The following METTL22 variants were observed in gnomAD, a reference collection of about 807,000 sequenced individuals.
METTL22 encodes the protein methyltransferase 22, Kin17 lysine.
METTL22 carries 51 observed loss-of-function variants against 48.4 expected under a neutral mutation model. That is an observed-to-expected ratio of 1.05 (90% CI 0.84 to 1.33). The LOEUF (loss-of-function observed/expected upper bound fraction) is 1.33, where lower values mean the gene tolerates loss of function less well. METTL22 is among the 40% of genes most tolerant of loss of function. METTL22 has a pLI of 0.00. For synonymous variants in METTL22, 255 were observed against 214.1 expected, an observed-to-expected ratio of 1.19 and a Z score of -1.67; for missense variants, 678 against 526.9, an observed-to-expected ratio of 1.29 and a Z score of -2.81.
At chr16:8,643,891 G>C (rs2056700873) in intron 9 of METTL22, among the ~76,000 whole-genome samples, 2 of 152,194 alleles carry the variant, frequency 1.3e-5, no homozygotes, top group Admixed American at 1.3e-4. Context: ...TGAGATTACA[G>C]GTGGGAGCCA....
the METTL22 span, among the ~76,000 whole-genome samples, chr16:8,655,526 C>G: frequency 6.6e-6 from 1 of 152,232 alleles, no homozygotes; most frequent in African/African-American, 2.4e-5. Context: ...GACACTCCGT[C>G]ACTTTTGTCA....
At chr16:8,642,341 A>G (rs1045047760) in intron 8 of METTL22, 122 bp from the exon 9 acceptor site, 1 of 1,268,716 alleles carries the variant, frequency 7.9e-7, no homozygotes, top group East Asian at 2.3e-5. Context: ...TGCAGTTTTA[A>G]TTCTGGAAGC....
At chr16:8,656,341 C>T in the METTL22 span, among the ~76,000 whole-genome samples, 3 of 152,196 alleles carry the variant, frequency 2.0e-5, no homozygotes, top group African/African-American at 7.2e-5. Flanking sequence ...TTCCTCCACC[C>T]CCACTTCCTA....
chr16:8,655,595 A>T, the METTL22 span, among the ~76,000 whole-genome samples: 1 of 152,270 alleles, frequency 6.6e-6, no homozygotes, highest in African/African-American at 2.4e-5. Context: ...GGAGGGGATT[A>T]CACAGAGTGG....
intron 2 of METTL22, among the ~76,000 whole-genome samples, chr16:8,626,981 A>G (rs1054042537): frequency 5.3e-5 from 8 of 150,940 alleles, no homozygotes; most frequent in African/African-American, 2.0e-4. Context: ...GTTAACCAGA[A>G]TGGTCTTGAT....
chr16:8,644,742 A>C lies in METTL22; in HGVS notation c.1179+17A>C. 6.5e-7 allele frequency: 1 copy of C among 1,542,180 alleles called. No individual in the cohort carries two copies. The highest frequency in any genetic ancestry group is 8.7e-7 in the Non-Finnish European group (1 of 1,143,434). On this transcript the variant is annotated intron_variant, in intron 10 of 10. Coordinates refer to ENST00000381920, the MANE Select transcript of METTL22 (RefSeq NM_024109.4). ...CAGCAACTGGTAGGTCCAGGCCCCG[A>C]AGCAGGGCCGTTGGTTGCTTTACTG...
chr16:8,647,746 T>A lies in METTL22; in HGVS notation c.*1603T>A, dbSNP rs1368156675. On this transcript the variant is annotated 3_prime_UTR_variant, in exon 11 of 11. Transcript: ENST00000381920. ...CCTGTAGTGAGAGCATGCAGGAGAG[T>A]GACCTCACCCTGCCCCTCTGGGAGC... 1 of 152,098 alleles carries A rather than the reference T, an allele frequency of 6.6e-6. No homozygotes were observed. Among genetic ancestry groups the A allele is most frequent in the African/African-American group, 2.4e-5 (1 of 41,396 alleles). 9.4% of individuals were successfully genotyped at this position (152,098 alleles called of 1,614,324 possible). A position where few individuals can be genotyped will look rare whatever the true frequency, so the allele number is the denominator to read the frequency against.
chr16:8,633,266 C>G (rs570675616), intron 3 of METTL22, among the ~76,000 whole-genome samples: 34 of 152,194 alleles, frequency 2.2e-4, no homozygotes, highest in African/African-American at 8.2e-4. Flanking sequence ...GTGTCCCTGG[C>G]ATGGTTCAGA....
At chr16:8,640,146 G>A (rs2056551708) in intron 6 of METTL22, among the ~76,000 whole-genome samples, 1 of 152,212 alleles carries the variant, frequency 6.6e-6, no homozygotes, top group Admixed American at 6.5e-5. Flanking sequence ...AGCTCTGTGG[G>A]TGCAGGTACC....
intron 7 of METTL22, 196 bp downstream of exon 7, chr16:8,641,380 C>G (rs757561660): frequency 2.9e-6 from 2 of 684,590 alleles, no homozygotes; most frequent in Admixed American, 4.1e-5. Flanking sequence ...TGCTGGGCAC[C>G]TCACGTTCAT....
intron 10 of METTL22, chr16:8,644,979 C>G (rs1178499208): frequency 2.1e-5 from 7 of 338,416 alleles, no homozygotes; most frequent in African/African-American, 1.3e-4. Flanking sequence ...ATATTCCCCC[C>G]GTTGGACAGT....
At position 8,635,275 on chromosome 16, in the gene METTL22, C is replaced by T. The variant is rs1173299363; in HGVS notation, c.663C>T (p.Ile221=). Residue 221 remains isoleucine (I), a synonymous_variant, in exon 5 of 11, where the codon ATC becomes ATT. Coordinates refer to ENST00000381920, the MANE Select transcript of METTL22 (RefSeq NM_024109.4). ...GGGCCGGCACGGGGCTCGCTAGCAT[C>T]ATCGCAGCCACCATGGCACGGACCG... ...ELGAGTGLAS[I]IAATMARTVY... is the part of the protein sequence containing the mutation. 2 of 1,601,450 alleles carry T rather than the reference C, an allele frequency of 1.2e-6. No individual in the cohort carries two copies. Among genetic ancestry groups the T allele is most frequent in the Non-Finnish European group, 8.5e-7 (1 of 1,174,298 alleles).
At chr16:8,629,567 G>A (rs1212614157) in intron 3 of METTL22, among the ~76,000 whole-genome samples, 2 of 152,188 alleles carry the variant, frequency 1.3e-5, no homozygotes, top group Non-Finnish European at 2.9e-5. Flanking sequence ...GGAGAGGGAT[G>A]TAAATGAAAA....
In METTL22 at chr16:8,628,965, C is replaced by G; in HGVS notation, c.369C>G (p.Asp123Glu). 1.2e-6 allele frequency: 2 copies of G among 1,614,000 alleles called. No homozygotes were observed. Among genetic ancestry groups the G allele is most frequent in the Non-Finnish European group, 1.7e-6 (2 of 1,180,034 alleles). The part of the protein sequence containing the change: ...EAQLDEDGDL[D>E]VVRRPRAASD... ...AGCTGGATGAGGATGGGGATTTGGA[C>G]GTGGTGAGAAGACCACGAGCCGCCT... Residue 123 changes from aspartate to glutamate, a missense_variant, in exon 3 of 11, where the codon GAC becomes GAG. Physicochemically the swap from Asp to Glu is conservative, Grantham distance 45. Transcript: ENST00000381920.
chr16:8,663,259 T>C, the METTL22 span, among the ~76,000 whole-genome samples: 15 of 149,530 alleles, frequency 1.0e-4, no homozygotes, highest in African/African-American at 3.7e-4. Context: ...CATCTCCCTA[T>C]TATTATTAAT....
intron 5 of METTL22, among the ~76,000 whole-genome samples, chr16:8,637,074 C>G (rs111479093): frequency 4.2e-4 from 64 of 152,274 alleles, no homozygotes; most frequent in Non-Finnish European, 7.2e-4. Context: ...GAGTAGTGAT[C>G]TCGTCAAGTG....
At chr16:8,640,208 C>G (rs2056553715) in intron 6 of METTL22, among the ~76,000 whole-genome samples, 2 of 152,184 alleles carry the variant, frequency 1.3e-5, no homozygotes. Context: ...GCTCAGGGTA[C>G]AGTAGGCAGT....
intron 5 of METTL22, among the ~76,000 whole-genome samples, chr16:8,636,517 T>G (rs1404250860): frequency 2.2e-5 from 1 of 44,716 alleles, no homozygotes; most frequent in South Asian, 1.1e-3. Flanking sequence ...TGAGACTCTG[T>G]CTCAAAAAAA....
intron 1 of METTL22, among the ~76,000 whole-genome samples, chr16:8,624,614 C>T (rs1596329063): frequency 6.6e-6 from 1 of 152,000 alleles, no homozygotes; most frequent in Non-Finnish European, 1.5e-5. Context: ...GCCTGTAATC[C>T]CAGCACTTTA....
Sources: gnomAD v4.1 joint callset for allele counts (sites outside exome capture counted in the v4.1 genomes callset) on GRCh38, gnomAD v4.1.1 for gene constraint, MANE v1.5 for transcripts, NCBI Gene and HGNC (gene_info 2026-07-23, HGNC 2026-07-21) for gene names.